ENOPH1: variants seen among roughly 807,000 people sequenced by gnomAD.
ENOPH1 encodes the protein enolase-phosphatase E1.
ENOPH1 carries 14 observed loss-of-function variants against 31.1 expected under a neutral mutation model. That is an observed-to-expected ratio of 0.45 (90% confidence interval 0.30 to 0.70). The LOEUF (loss-of-function observed/expected upper bound fraction) is 0.70, where lower values mean the gene tolerates loss of function less well. ENOPH1 is among the 30% of genes least tolerant of loss of function. The probability of loss-of-function intolerance (pLI) is 0.09; values close to 1 mark genes in which losing one functional copy is unlikely to be tolerated. For missense variants in ENOPH1, 243 were observed against 321.5 expected (o/e 0.76, Z 1.87); for synonymous variants, 127 against 123.2 (o/e 1.03, Z -0.21).
intron 4 of ENOPH1, 104 bp from the exon 5 acceptor site, chr4:82,456,811 A>C: frequency 5.0e-6 from 7 of 1,411,178 alleles, no homozygotes; most frequent in Non-Finnish European, 6.8e-6. Flanking sequence ...TTCAGAAAAT[A>C]CTGAACGAAT....
At chr4:82,442,558 AT>A (rs144884263) in intron 1 of ENOPH1, among the ~76,000 whole-genome samples, 9,396 of 150,638 alleles carry the variant, frequency 0.062, 324 homozygotes, top group Admixed American at 0.087. Context: ...GCAATCTATG[AT>A]TTTTTTTTTA....
chr4:82,432,283 A>T (rs1721791526), intron 1 of ENOPH1, among the ~76,000 whole-genome samples: 1 of 152,214 alleles, frequency 6.6e-6, no homozygotes, highest in Non-Finnish European at 1.5e-5. Flanking sequence ...TTTTAGAAGA[A>T]TCACAGTACC....
At chr4:82,432,029 GC>G (rs1560461128) in intron 1 of ENOPH1, among the ~76,000 whole-genome samples, 1 of 151,214 alleles carries the variant, frequency 6.6e-6, no homozygotes, top group African/African-American at 2.4e-5. Flanking sequence ...GCATCCTCCT[GC>G]CCCAGCCTCT....
At chr4:82,444,004 A>C (rs1342658449) in intron 1 of ENOPH1, among the ~76,000 whole-genome samples, 1 of 152,024 alleles carries the variant, frequency 6.6e-6, no homozygotes, top group Non-Finnish European at 1.5e-5. Flanking sequence ...TCTCCCAAGT[A>C]GCCGGGATTA....
At chr4:82,440,385 A>T (rs1004882663) in intron 1 of ENOPH1, among the ~76,000 whole-genome samples, 3 of 152,184 alleles carry the variant, frequency 2.0e-5, no homozygotes, top group Non-Finnish European at 2.9e-5. Context: ...CCTTGAAGTC[A>T]TTCACCCGTG....
intron 1 of ENOPH1, among the ~76,000 whole-genome samples, chr4:82,443,317 A>C (rs1722089642): frequency 6.6e-6 from 1 of 152,010 alleles, no homozygotes. Flanking sequence ...TCACGCCTGT[A>C]GTCCCAGCTA....
chr4:82,444,692 A>G (rs1031315145), intron 1 of ENOPH1, among the ~76,000 whole-genome samples: 2 of 152,208 alleles, frequency 1.3e-5, no homozygotes, highest in Non-Finnish European at 2.9e-5. Flanking sequence ...TGCTGCTTGC[A>G]CAGTATCCTC....
rs968315404 is a variant in ENOPH1 at position 82,458,064 on chromosome 4, C to T, written c.646+1026C>T. Among the ~76,000 whole-genome samples, 3 of 109,912 alleles carry T rather than the reference C, an allele frequency of 2.7e-5. No individual in the cohort carries two copies. The East Asian group carries it at 7.5e-4, about 28-fold the overall frequency. 72.1% of individuals were successfully genotyped at this position (109,912 alleles called of 152,430 possible). ...TTCCTGCCCTTCATCTTCTGCTGGC[C>T]CCATACACACTTAGGCCAGAACTTG... On this transcript the variant is annotated intron_variant, in intron 5 of 5. Coordinates refer to ENST00000273920, the MANE Select transcript of ENOPH1 (RefSeq NM_021204.5).
At chr4:82,442,420 C>T (rs12643391) in intron 1 of ENOPH1, among the ~76,000 whole-genome samples, 9,120 of 151,982 alleles carry the variant, frequency 0.06, 304 homozygotes, top group Admixed American at 0.085. Context: ...CTCAGGAGGC[C>T]GAGGCAGGAA....
intron 5 of ENOPH1, 94 bp from the exon 6 acceptor site, chr4:82,459,887 T>C: frequency 4.2e-6 from 6 of 1,422,628 alleles, no homozygotes; most frequent in Non-Finnish European, 5.8e-6. Flanking sequence ...AATTCATTTC[T>C]TCCATCCCCA....
chr4:82,450,558 T>A (rs1210189388), intron 2 of ENOPH1, among the ~76,000 whole-genome samples: 1 of 152,216 alleles, frequency 6.6e-6, no homozygotes, highest in Non-Finnish European at 1.5e-5. Context: ...AAGTGGCTAC[T>A]AGGATTTTTG....
At chr4:82,450,959 T>A in intron 2 of ENOPH1, 84 bp from the exon 3 acceptor site, 1 of 1,119,056 alleles carries the variant, frequency 8.9e-7, no homozygotes, top group South Asian at 1.4e-5. Context: ...GAGAAAGTTG[T>A]TCTGCTGGGT....
intron 3 of ENOPH1, among the ~76,000 whole-genome samples, chr4:82,451,615 A>G (rs918172865): frequency 1.3e-5 from 2 of 152,252 alleles, no homozygotes; most frequent in African/African-American, 4.8e-5. Flanking sequence ...TTTTTGCTCT[A>G]TGAGACATAG....
At position 82,453,118 on chromosome 4, in the gene ENOPH1, C is replaced by T. The variant is rs182533521; in HGVS notation, c.390-1604C>T. Among the ~76,000 whole-genome samples the T allele has an allele frequency of 7.2e-4, 109 of 151,696 alleles. 1 individual carries two copies. The highest frequency in any genetic ancestry group is 3.3e-3 in the South Asian group (16 of 4,812). On this transcript the variant is annotated intron_variant, in intron 3 of 5. Coordinates refer to ENST00000273920, the MANE Select transcript of ENOPH1 (RefSeq NM_021204.5). ...GTGTTTCACCGTGTTAGCCAGGATG[C>T]TCTCGATCTCCTGACCTTGTGATCC...
chr4:82,446,741 C>T, intron 1 of ENOPH1, among the ~76,000 whole-genome samples: 1 of 134,422 alleles, frequency 7.4e-6, no homozygotes, highest in Non-Finnish European at 1.5e-5. Context: ...GCTCTGTCGC[C>T]CAGGCCGGAC....
intron 2 of ENOPH1, among the ~76,000 whole-genome samples, chr4:82,450,255 A>G (rs1722313407): frequency 6.6e-6 from 1 of 152,172 alleles, no homozygotes; most frequent in Admixed American, 6.5e-5. Flanking sequence ...TTAAATTTCA[A>G]TTTTCAATTT....
intron 4 of ENOPH1, 95 bp downstream of exon 4, chr4:82,454,949 T>C (rs1722444826): frequency 8.1e-7 from 1 of 1,239,066 alleles, no homozygotes; most frequent in African/African-American, 1.5e-5. Flanking sequence ...AGAATGCTTT[T>C]TTTTTTTTGG....
At chr4:82,457,472 C>T (rs1022806150) in intron 5 of ENOPH1, among the ~76,000 whole-genome samples, 1 of 152,208 alleles carries the variant, frequency 6.6e-6, no homozygotes, top group Non-Finnish European at 1.5e-5. Context: ...CGTGTTTGTG[C>T]CACTGCACTC....
Position 82,460,264 on chromosome 4 carries a change from A to G in ENOPH1, c.*144A>G, listed in dbSNP as rs536861071. The stretch of plus-strand genomic sequence containing the variant: ...ATGTATATATGTGTATGCTCAGATT[A>G]ACTTCCATAGGTACATAAGTGAAAG... On this transcript the variant is annotated 3_prime_UTR_variant, in exon 6 of 6. Transcript: ENST00000273920. The G allele has an allele frequency of 1.2e-3, 845 of 718,520 alleles. 1 individual carries two copies. Among genetic ancestry groups the G allele is most frequent in the Non-Finnish European group, 1.7e-3 (791 of 452,552 alleles). The allele number at this position is 718,520 out of a possible 1,614,324, so 44.5% of individuals were successfully genotyped here. A position where few individuals can be genotyped will look rare whatever the true frequency, so the allele number is the denominator to read the frequency against.
Sources: allele counts gnomAD v4.1 joint callset (sites outside exome capture counted in the v4.1 genomes callset), GRCh38; gene constraint gnomAD v4.1.1; transcripts MANE v1.5; gene names NCBI Gene and HGNC (gene_info 2026-07-23, HGNC 2026-07-21).